SLC39A11: variants seen among roughly 807,000 people sequenced by gnomAD.
SLC39A11 encodes the protein solute carrier family 39 member 11.
SLC39A11 carries 33 observed loss-of-function variants against 36.1 expected under a neutral mutation model. That is an observed-to-expected ratio of 0.91 (90% CI 0.69 to 1.22). The LOEUF (loss-of-function observed/expected upper bound fraction) is 1.22. Ranked by LOEUF, SLC39A11 falls within the 50% of genes most tolerant of loss-of-function variation. The pLI is 0.00. For synonymous variants in SLC39A11, 166 were observed against 170.3 expected, an observed-to-expected ratio of 0.97 and a Z score of 0.20; for missense variants, 432 against 430.3, an observed-to-expected ratio of 1.00 and a Z score of -0.03.
intron 5 of SLC39A11, among the ~76,000 whole-genome samples, chr17:72,946,343 T>C (rs2085429654): frequency 6.6e-6 from 1 of 152,204 alleles, no homozygotes; most frequent in South Asian, 2.1e-4. Context: ...GCAGTGAGGA[T>C]TAACCCAAAT....
chr17:73,062,475 A>AAAAAAAAAAAACAAAC (rs56021607), intron 3 of SLC39A11, among the ~76,000 whole-genome samples: 1 of 87,034 alleles, frequency 1.1e-5, no homozygotes, highest in South Asian at 4.5e-4. Context: ...AAAAAAAAAA[A>AAAAAAAAAAAACAAAC]AAACTTTAGG....
intron 5 of SLC39A11, among the ~76,000 whole-genome samples, chr17:72,850,037 T>G (rs889636429): frequency 6.8e-6 from 1 of 147,388 alleles, no homozygotes; most frequent in African/African-American, 2.5e-5. Flanking sequence ...GGGACTGCCA[T>G]CTTCACTCCT....
At chr17:72,766,790 T>C (rs1391406944) in intron 6 of SLC39A11, among the ~76,000 whole-genome samples, 1 of 152,248 alleles carries the variant, frequency 6.6e-6, no homozygotes, top group Non-Finnish European at 1.5e-5. Context: ...TAAAGTTCAC[T>C]GTGACCAAAA....
intron 6 of SLC39A11, among the ~76,000 whole-genome samples, chr17:72,795,639 T>C (rs568278119): frequency 1.3e-5 from 2 of 152,210 alleles, no homozygotes; most frequent in East Asian, 1.9e-4. Flanking sequence ...GAAGGGATGA[T>C]ATTAACAGAT....
intron 7 of SLC39A11, among the ~76,000 whole-genome samples, chr17:72,697,728 G>A (rs1197615960): frequency 6.6e-6 from 1 of 150,894 alleles, no homozygotes; most frequent in Non-Finnish European, 1.5e-5. Flanking sequence ...GTCCCCCTCA[G>A]AGCAGAACCC....
chr17:72,734,519 G>A (rs1221168582), intron 7 of SLC39A11, among the ~76,000 whole-genome samples: 1 of 152,196 alleles, frequency 6.6e-6, no homozygotes, highest in Non-Finnish European at 1.5e-5. Context: ...ACCAAGGCCT[G>A]CTGCCCCGAC....
intron 5 of SLC39A11, among the ~76,000 whole-genome samples, chr17:72,910,806 A>G (rs2082943785): frequency 6.6e-6 from 1 of 151,418 alleles, no homozygotes; most frequent in South Asian, 2.1e-4. Flanking sequence ...AGGCACCTTT[A>G]ATCCCAGCTA....
At chr17:72,826,481 A>C (rs917400349) in intron 6 of SLC39A11, among the ~76,000 whole-genome samples, 2 of 152,172 alleles carry the variant, frequency 1.3e-5, no homozygotes, top group African/African-American at 2.4e-5. Flanking sequence ...TTAAAACCTG[A>C]TTTTTTCTAA....
rs150804514 is a variant in SLC39A11 at position 73,092,623 on chromosome 17, T to G, written c.-24A>C. ...AAAGCCAACTCACTAGGGTGCCCTC[T>G]CCAGCCCCCACTGCACTTCCATCAG... On this transcript the variant is annotated 5_prime_UTR_variant, in exon 1 of 10. Coordinates refer to ENST00000255559, the MANE Select transcript of SLC39A11 (RefSeq NM_139177.4). 6.7e-3 allele frequency: 1,026 copies of G among 153,096 alleles called. 8 individuals carry two copies. The highest frequency in any genetic ancestry group is 9.6e-3 in the Non-Finnish European group (655 of 68,582). The allele number at this position is 153,096 out of a possible 1,614,324, so 9.5% of individuals were successfully genotyped here. A position where few individuals can be genotyped will look rare whatever the true frequency, so the allele number is the denominator to read the frequency against.
intron 7 of SLC39A11, among the ~76,000 whole-genome samples, chr17:72,721,139 C>T (rs1294316098): frequency 6.9e-6 from 1 of 145,298 alleles, no homozygotes; most frequent in Non-Finnish European, 1.5e-5. Context: ...CTCTGTTGCC[C>T]AGGCTGAAGC....
chr17:72,953,812 G>A (rs1399909734), intron 4 of SLC39A11, among the ~76,000 whole-genome samples: 2 of 152,210 alleles, frequency 1.3e-5, no homozygotes, highest in Non-Finnish European at 2.9e-5. Flanking sequence ...TCACTGGGGT[G>A]AGTCATTGCT....
chr17:73,032,116 G>A (rs1052931886), intron 3 of SLC39A11, among the ~76,000 whole-genome samples: 4 of 152,072 alleles, frequency 2.6e-5, no homozygotes, highest in African/African-American at 9.7e-5. Context: ...CAAGCATGCT[G>A]GTAAACAACC....
intron 4 of SLC39A11, among the ~76,000 whole-genome samples, chr17:72,992,583 T>C (rs2089248846): frequency 1.3e-5 from 2 of 152,216 alleles, no homozygotes; most frequent in Admixed American, 6.5e-5. Flanking sequence ...CAGTTGTGTG[T>C]ATTGCAAATA....
intron 7 of SLC39A11, among the ~76,000 whole-genome samples, chr17:72,684,796 T>C (rs2071669087): frequency 6.6e-6 from 1 of 152,190 alleles, no homozygotes; most frequent in African/African-American, 2.4e-5. Flanking sequence ...CCTCAGAGTG[T>C]AGCTACAAGA....
At chr17:72,751,774 G>T (rs1016254302) in intron 6 of SLC39A11, among the ~76,000 whole-genome samples, 1 of 152,090 alleles carries the variant, frequency 6.6e-6, no homozygotes, top group East Asian at 1.9e-4. Context: ...ACAGGGTTTT[G>T]TTATGTCAGC....
chr17:72,781,085 AC>A (rs2076302099), intron 6 of SLC39A11, among the ~76,000 whole-genome samples: 12 of 152,344 alleles, frequency 7.9e-5, no homozygotes, highest in Admixed American at 7.8e-4. Flanking sequence ...ACTGTCTGGC[AC>A]CTTCGGTCTC....
At chr17:72,702,472 A>T (rs2072693916) in intron 7 of SLC39A11, among the ~76,000 whole-genome samples, 1 of 152,160 alleles carries the variant, frequency 6.6e-6, no homozygotes, top group Non-Finnish European at 1.5e-5. Flanking sequence ...ACAACAAAGA[A>T]TTATCTACCA....
At chr17:72,782,743 G>A (rs1174551328) in intron 6 of SLC39A11, among the ~76,000 whole-genome samples, 1 of 141,970 alleles carries the variant, frequency 7.0e-6, no homozygotes, top group Non-Finnish European at 1.5e-5. Flanking sequence ...GCTTATGCCT[G>A]TAATCTCAGC....
intron 5 of SLC39A11, among the ~76,000 whole-genome samples, chr17:72,923,990 T>C (rs1047138492): frequency 6.6e-6 from 1 of 151,398 alleles, no homozygotes; most frequent in African/African-American, 2.4e-5. Flanking sequence ...ACAACAAATT[T>C]TTAAAAATTA....
Sources: gnomAD v4.1 joint callset for allele counts (sites outside exome capture counted in the v4.1 genomes callset) on GRCh38, gnomAD v4.1.1 for gene constraint, MANE v1.5 for transcripts, NCBI Gene and HGNC (gene_info 2026-07-23, HGNC 2026-07-21) for gene names.